ANKMY1: variants seen among roughly 807,000 people sequenced by gnomAD.
ANKMY1 encodes ankyrin repeat and MYND domain-containing protein 1.
In ANKMY1, 98 loss-of-function variants were observed where a neutral mutation model predicts 102.0. That is an observed-to-expected ratio of 0.96 (90% CI 0.82 to 1.14). The LOEUF (loss-of-function observed/expected upper bound fraction) is 1.14, where lower values mean the gene tolerates loss of function less well. Ranked by LOEUF, ANKMY1 falls within the 50% of genes most tolerant of loss-of-function variation. The pLI, the probability that ANKMY1 is intolerant of heterozygous loss-of-function variation, is 0.00. For missense variants in ANKMY1, 1,330 were observed against 1,347.6 expected (o/e 0.99, Z 0.20); for synonymous variants, 582 against 559.9 (o/e 1.04, Z -0.56).
chr2:240,526,766 A>G (rs987416074), intron 5 of ANKMY1: 3 of 1,272,072 alleles, frequency 2.4e-6, no homozygotes, highest in African/African-American at 3.0e-5. Context: ...GGGCTGTAAC[A>G]GCAAAGGCCC....
intron 2 of ANKMY1, among the ~76,000 whole-genome samples, chr2:240,556,882 G>C (rs955070569): frequency 6.6e-6 from 1 of 152,230 alleles, no homozygotes; most frequent in African/African-American, 2.4e-5. Context: ...GAACAACAGA[G>C]CTGTGAAGAT....
In ANKMY1 at chr2:240,529,499, T is replaced by G; in HGVS notation, c.491A>C (p.Lys164Thr). The change falls in exon 5 of 18, where the codon AAA (lysine) becomes ACA (threonine). Residue 164 changes from lysine to threonine, a missense_variant. Coordinates refer to ENST00000401804, the MANE Select transcript of ANKMY1 (RefSeq NM_001282771.3). The surrounding 1 kb of genome is among the most constrained non-coding windows in gnomAD (Gnocchi z 4.2). ...ACCTGGCCCAAACCGCTGGTCCGCT[T>G]TGTATAGCCCCTGCCAAGGAAGCGC... ...MKTRLFQGLY[K>T]ADQRFGPGVE... 2 of 1,612,706 alleles carry G rather than the reference T, an allele frequency of 1.2e-6. No homozygotes were observed. The highest frequency in any genetic ancestry group is 1.7e-6 in the Non-Finnish European group (2 of 1,179,416).
chr2:240,553,083 A>C (rs1263523575), intron 3 of ANKMY1, 26 bp from the exon 4 acceptor site: 1 of 1,609,070 alleles, frequency 6.2e-7, no homozygotes, highest in Non-Finnish European at 8.5e-7. Flanking sequence ...GTTGGTGAGA[A>C]ATTGCTGCTC....
At chr2:240,500,224 T>C in intron 14 of ANKMY1, 101 bp from the exon 15 acceptor site, 1 of 1,398,224 alleles carries the variant, frequency 7.2e-7, no homozygotes, top group Non-Finnish European at 9.5e-7. Flanking sequence ...TTGTGATATA[T>C]AACTGAGGAC....
chr2:240,470,005 TAC>T, the ANKMY1 span, among the ~76,000 whole-genome samples: 1 of 152,174 alleles, frequency 6.6e-6, no homozygotes, highest in African/African-American at 2.4e-5. Context: ...CACATGCCCA[TAC>T]ACACATGCAC....
At chr2:240,548,772 A>G (rs1461367371) in intron 4 of ANKMY1, among the ~76,000 whole-genome samples, 5 of 149,220 alleles carry the variant, frequency 3.4e-5, no homozygotes, top group African/African-American at 1.2e-4. Context: ...CAATTGCTTC[A>G]AAGAGAATAA....
chr2:240,556,698 C>G (rs1044916327), intron 2 of ANKMY1, among the ~76,000 whole-genome samples: 2 of 152,214 alleles, frequency 1.3e-5, no homozygotes, highest in Non-Finnish European at 2.9e-5. Context: ...TCCTTTGTCC[C>G]CACTAGACTT....
chr2:240,481,205 C>T, intron 16 of ANKMY1, 108 bp from the exon 17 acceptor site: 6 of 1,364,652 alleles, frequency 4.4e-6, no homozygotes, highest in Non-Finnish European at 5.9e-6. Flanking sequence ...GGCTATTCCC[C>T]ACCGTCCCGC....
chr2:240,538,209 C>T (rs1001729250), intron 4 of ANKMY1, among the ~76,000 whole-genome samples: 9 of 152,232 alleles, frequency 5.9e-5, no homozygotes, highest in African/African-American at 7.2e-5. Context: ...CCTGCTGCTG[C>T]GCTGTGGGGG....
chr2:240,551,236 C>A (rs188840509), intron 4 of ANKMY1, among the ~76,000 whole-genome samples: 98 of 151,850 alleles, frequency 6.5e-4, no homozygotes, highest in African/African-American at 2.3e-3. Context: ...TATTCATAAC[C>A]TTGAAATATA....
intron 13 of ANKMY1, among the ~76,000 whole-genome samples, chr2:240,501,853 C>G (rs1393321385): frequency 6.6e-6 from 1 of 152,214 alleles, no homozygotes; most frequent in Non-Finnish European, 1.5e-5. Context: ...AAGGCCTACG[C>G]CAGGCAGAGG....
chr2:240,519,958 G>C (rs2081873706), intron 9 of ANKMY1: 1 of 369,712 alleles, frequency 2.7e-6, no homozygotes, highest in Admixed American at 3.5e-5. Flanking sequence ...TTGAGCTAAA[G>C]ATAAAACCTC....
At chr2:240,497,131 T>A (rs1480279975) in intron 15 of ANKMY1, among the ~76,000 whole-genome samples, 2 of 151,782 alleles carry the variant, frequency 1.3e-5, no homozygotes, top group African/African-American at 4.8e-5. Context: ...AAGCTGAGCA[T>A]AAGAATGGAG....
chr2:240,475,125 G>C (rs917237747), downstream of ANKMY1, among the ~76,000 whole-genome samples: 2 of 152,208 alleles, frequency 1.3e-5, no homozygotes, highest in African/African-American at 4.8e-5. Flanking sequence ...TGACTGGTGT[G>C]AGATGGTATC....
chr2:240,501,112 A>ATG (rs376865345), intron 13 of ANKMY1, among the ~76,000 whole-genome samples: 21 of 150,164 alleles, frequency 1.4e-4, no homozygotes, highest in African/African-American at 4.9e-4. Flanking sequence ...GTGTGTGGAT[A>ATG]TGTGTGTGTG....
At chr2:240,534,946 A>G (rs1269543261) in intron 4 of ANKMY1, among the ~76,000 whole-genome samples, 1 of 152,196 alleles carries the variant, frequency 6.6e-6, no homozygotes, top group East Asian at 1.9e-4. Context: ...CTACAAAAAT[A>G]AAATTATCAG....
chr2:240,551,079 G>T (rs1042088759), intron 4 of ANKMY1, among the ~76,000 whole-genome samples: 4 of 151,894 alleles, frequency 2.6e-5, no homozygotes, highest in Admixed American at 2.0e-4. Context: ...CATAAACATT[G>T]CTCACCCAAT....
At chr2:240,471,557 A>C in the ANKMY1 span, among the ~76,000 whole-genome samples, 15 of 152,338 alleles carry the variant, frequency 9.8e-5, no homozygotes, top group Non-Finnish European at 1.9e-4. Context: ...AGAAACCATA[A>C]GGATAGAACA....
At chr2:240,557,085 G>T in intron 2 of ANKMY1, 105 bp downstream of exon 2, 1 of 1,248,216 alleles carries the variant, frequency 8.0e-7, no homozygotes. Flanking sequence ...GTTTCTCAGG[G>T]AGTAACACAG....
Sources: gnomAD v4.1 joint callset for allele counts (sites outside exome capture counted in the v4.1 genomes callset) on GRCh38, gnomAD v4.1.1 for gene constraint, Gnocchi (gnomAD v3.1) non-coding constraint, MANE v1.5 for transcripts, NCBI Gene and HGNC (gene_info 2026-07-23, HGNC 2026-07-21) for gene names.